Variants in GRK5 observed in about 807,000 individuals in gnomAD.
GRK5 encodes the protein g protein-coupled receptor kinase GRK5.
Under a neutral mutation model 78.4 loss-of-function variants are expected in GRK5, and 40 were observed. That is an observed-to-expected ratio of 0.51 (90% CI 0.40 to 0.66). The LOEUF is 0.66. GRK5 is among the 30% of genes least tolerant of loss of function. The probability of loss-of-function intolerance (pLI) is 0.00; values close to 1 mark genes in which losing one functional copy is unlikely to be tolerated. For missense variants in GRK5, 598 were observed against 759.9 expected, an observed-to-expected ratio of 0.79 and a Z score of 2.50; for synonymous variants, 289 against 296.8, an observed-to-expected ratio of 0.97 and a Z score of 0.27.
intron 1 of GRK5, among the ~76,000 whole-genome samples, chr10:119,225,958 C>T (rs1848731768): frequency 6.6e-6 from 1 of 151,702 alleles, no homozygotes; most frequent in Non-Finnish European, 1.5e-5. Context: ...ACGCCATTCT[C>T]CTGCTTCAGC....
chr10:119,216,719 A>G (rs1159934261), intron 1 of GRK5, among the ~76,000 whole-genome samples: 1 of 152,170 alleles, frequency 6.6e-6, no homozygotes, highest in Non-Finnish European at 1.5e-5. Flanking sequence ...TTGGGAGGCC[A>G]AGGTGTGTGG....
chr10:119,318,369 C>G (rs935541458), intron 1 of GRK5, among the ~76,000 whole-genome samples: 1 of 152,184 alleles, frequency 6.6e-6, no homozygotes, highest in Middle Eastern at 3.2e-3. Context: ...GGTGCAAATT[C>G]CCTGACTCTG....
In GRK5 at chr10:119,317,347, G is replaced by GGTGTGT. The variant is rs3064482; in HGVS notation, c.53-9137_53-9132dup. 7.5e-3 allele frequency among the ~76,000 whole-genome samples: 1,062 copies of GGTGTGT among 142,498 alleles called. 9 individuals carry two copies. Among genetic ancestry groups the GGTGTGT allele is most frequent in the African/African-American group, 0.025 (978 of 38,612 alleles). 93.5% of individuals were successfully genotyped at this position (142,498 alleles called of 152,430 possible). ...AAGGCAAAGAGGCATTCAGTAGATG[G>GGTGTGT]GTGTGTGTGTGTGTGTGTGTGTGTG... On this transcript the variant is annotated intron_variant, in intron 1 of 15. Coordinates refer to ENST00000392870, the MANE Select transcript of GRK5 (RefSeq NM_005308.3).
chr10:119,453,944 A>T (rs756751636), intron 15 of GRK5, among the ~76,000 whole-genome samples: 17 of 151,818 alleles, frequency 1.1e-4, no homozygotes, highest in Non-Finnish European at 2.4e-4. Flanking sequence ...ATGCGGGGGA[A>T]GGGCCCCCAC....
Position 119,271,715 on chromosome 10 carries a change from T to C in GRK5, c.53-54801T>C, listed in dbSNP as rs1312508819. Among the ~76,000 whole-genome samples the C allele has an allele frequency of 6.6e-6, 1 of 152,142 alleles. No individual in the cohort carries two copies. Among genetic ancestry groups the C allele is most frequent in the African/African-American group, 2.4e-5 (1 of 41,426 alleles). On this transcript the variant is annotated intron_variant, in intron 1 of 15. Coordinates refer to ENST00000392870, the MANE Select transcript of GRK5 (RefSeq NM_005308.3). This position sits in a 1 kb window ranked among gnomAD's most constrained non-coding sequence, Gnocchi z 4.1. The stretch of plus-strand genomic sequence containing the variant: ...CAGGGAAAAACAGGTGTGTGAGCAC[T>C]AGGTTGGTGACGAGGTTTAGCAGCA...
In GRK5 at chr10:119,207,987, T is replaced by A; in HGVS notation, c.52+18T>A. The A allele has an allele frequency of 1.2e-6, 2 of 1,600,492 alleles. No homozygotes were observed. Among genetic ancestry groups the A allele is most frequent in the African/African-American group, 2.7e-5 (2 of 73,152 alleles). ...CAGGGAAGGTAAGAGGCAGGGCCGGTACGTGCCCGGCGCGTCCGCCGCGGG... is the reference window on the plus strand; with the variant it reads ...CAGGGAAGGTAAGAGGCAGGGCCGGAACGTGCCCGGCGCGTCCGCCGCGGG... On this transcript the variant is annotated intron_variant, in intron 1 of 15. Transcript: ENST00000392870.
chr10:119,314,259 C>T (rs779179568), intron 1 of GRK5, among the ~76,000 whole-genome samples: 21 of 152,362 alleles, frequency 1.4e-4, no homozygotes, highest in Non-Finnish European at 1.9e-4. Context: ...CAGCCCCTCT[C>T]GCCGCCTCCT....
chr10:119,293,792 CG>C (rs1179940300), intron 1 of GRK5, among the ~76,000 whole-genome samples: 1 of 152,092 alleles, frequency 6.6e-6, no homozygotes, highest in African/African-American at 2.4e-5. Flanking sequence ...GCCATCGCCT[CG>C]GGGTGGTACC....
intron 2 of GRK5, among the ~76,000 whole-genome samples, chr10:119,338,726 C>G (rs1285913768): frequency 6.6e-6 from 1 of 151,956 alleles, no homozygotes; most frequent in African/African-American, 2.4e-5. Context: ...CCCAGGCCCC[C>G]GGTCTCTCCC....
At chr10:119,366,400 G>T (rs1851450535) in intron 2 of GRK5, among the ~76,000 whole-genome samples, 4 of 152,170 alleles carry the variant, frequency 2.6e-5, no homozygotes, top group Admixed American at 2.6e-4. Flanking sequence ...AGTTGGGGAG[G>T]CAAGGCCAGC....
rs1222313366 is a variant in GRK5, at chr10:119,236,204, C to CT, written c.52+28235_52+28236insT. Among the ~76,000 whole-genome samples, 8 of 151,882 alleles carry CT rather than the reference C, an allele frequency of 5.3e-5. No homozygotes were observed. In the East Asian group the frequency reaches 1.4e-3, roughly 26 times the overall value. On this transcript the variant is annotated intron_variant, in intron 1 of 15. Transcript: ENST00000392870. ...GTCTAGCCCAGAGGTTGCAAACTGACCTACACACTATTTTTTTTTTCTTTT... is the reference window on the plus strand; with the variant it reads ...GTCTAGCCCAGAGGTTGCAAACTGACTCTACACACTATTTTTTTTTTCTTTT...
chr10:119,381,666 T>C (rs866707800), intron 3 of GRK5, among the ~76,000 whole-genome samples: 5 of 152,282 alleles, frequency 3.3e-5, no homozygotes, highest in Middle Eastern at 3.4e-3. Context: ...CCAACTGCCC[T>C]TGGGTTTCTA....
rs143884708 is a variant in GRK5, at chr10:119,423,686, C to T, written c.440+420C>T. Reference sequence around the variant, plus strand: ...CTGCCGTGCAGGAGGTGACACAAGTCGATGGCCATGCTGCCAGCAGAGCAC... The same window carrying T: ...CTGCCGTGCAGGAGGTGACACAAGTTGATGGCCATGCTGCCAGCAGAGCAC... On this transcript the variant is annotated intron_variant, in intron 5 of 15. Transcript: ENST00000392870. Among the ~76,000 whole-genome samples, 341 of 152,262 alleles carry T rather than the reference C, an allele frequency of 2.2e-3. 5 individuals carry two copies. Among genetic ancestry groups the T allele is most frequent in the African/African-American group, 7.2e-3 (298 of 41,550 alleles).
chr10:119,394,637 GTGGGTGT>G (rs1851998404), intron 3 of GRK5, among the ~76,000 whole-genome samples: 1 of 2,770 alleles, frequency 3.6e-4, no homozygotes, highest in Non-Finnish European at 9.0e-4. Context: ...GGGTGTGTGT[GTGGGTGT>G]GTGTGTGGGT....
intron 1 of GRK5, among the ~76,000 whole-genome samples, chr10:119,237,014 A>G (rs1589694457): frequency 6.8e-6 from 1 of 146,724 alleles, no homozygotes; most frequent in Non-Finnish European, 1.5e-5. Context: ...ATATCACCTG[A>G]CCAGCCTCTG....
At chr10:119,333,671 C>T (rs889051160) in intron 2 of GRK5, 7 of 457,718 alleles carry the variant, frequency 1.5e-5, no homozygotes, top group South Asian at 4.8e-5. Context: ...AAGGGGTGGA[C>T]GTTTCTGTCT....
At position 119,238,545 on chromosome 10, in the gene GRK5, A is replaced by T. The variant is rs570135678; in HGVS notation, c.52+30576A>T. ...TTAGGATTATTGCTAGAAATAAAGCATCCCTGGATCCTTTGGCTTCTTGGA... is the reference window on the plus strand; with the variant it reads ...TTAGGATTATTGCTAGAAATAAAGCTTCCCTGGATCCTTTGGCTTCTTGGA... On this transcript the variant is annotated intron_variant, in intron 1 of 15. Transcript: ENST00000392870. This position sits in a 1 kb window ranked among gnomAD's most constrained non-coding sequence, Gnocchi z 4.7. Among the ~76,000 whole-genome samples the T allele has an allele frequency of 6.6e-6, 1 of 152,202 alleles. No individual in the cohort carries two copies. Among genetic ancestry groups the T allele is most frequent in the African/African-American group, 2.4e-5 (1 of 41,524 alleles).
intron 4 of GRK5, among the ~76,000 whole-genome samples, chr10:119,406,245 G>A (rs1852237672): frequency 6.6e-6 from 1 of 152,170 alleles, no homozygotes; most frequent in African/African-American, 2.4e-5. Context: ...CTAACTCTCT[G>A]CTTCCTAGCT....
chr10:119,443,768 C>T lies in GRK5; in HGVS notation c.1266+16C>T, dbSNP rs1853087281. ...CTGCAAGATGGTGAGCTCCTGGTGG[C>T]CAGATGCCACCCTCAAGCTGGTGGC... is the stretch of plus-strand genomic sequence containing the variant. On this transcript the variant is annotated intron_variant, in intron 12 of 15. Transcript: ENST00000392870. 2.5e-6 allele frequency: 4 copies of T among 1,579,924 alleles called. No individual in the cohort carries two copies. In the South Asian group the frequency reaches 4.5e-5, roughly 18 times the overall value.
Sources: allele counts gnomAD v4.1 joint callset (sites outside exome capture counted in the v4.1 genomes callset), GRCh38; gene constraint gnomAD v4.1.1; non-coding constraint Gnocchi (gnomAD v3.1); transcripts MANE v1.5; gene names NCBI Gene and HGNC (gene_info 2026-07-23, HGNC 2026-07-21).